Variants in AGBL4 observed in about 807,000 individuals in gnomAD.
AGBL4 encodes AGBL carboxypeptidase 4.
A neutral mutation model predicts 66.4 loss-of-function variants in AGBL4; 58 were observed. The ratio of observed to expected loss-of-function variants is 0.87; its 90% CI spans 0.71 to 1.09. The LOEUF is 1.09. Among genes scored for constraint, AGBL4 ranks in the 50% least tolerant of loss-of-function variants. The pLI, the probability that AGBL4 is intolerant of heterozygous loss-of-function variation, is 0.00. For missense variants in AGBL4, 579 were observed against 631.0 expected, an observed-to-expected ratio of 0.92 and a Z score of 0.88; for synonymous variants, 234 against 222.9, an observed-to-expected ratio of 1.05 and a Z score of -0.44.
At chr1:49,747,882 T>G (rs879703608) in intron 2 of AGBL4, among the ~76,000 whole-genome samples, 3 of 151,932 alleles carry the variant, frequency 2.0e-5, no homozygotes, top group Admixed American at 6.6e-5. Context: ...AAATGTTTAA[T>G]AACAAACTGT....
chr1:49,372,657 TTCTTTCTTTC>T (rs999957757), intron 3 of AGBL4, among the ~76,000 whole-genome samples: 1 of 134,090 alleles, frequency 7.5e-6, no homozygotes, highest in Non-Finnish European at 1.5e-5. Context: ...CTTTCTTTCT[TTCTTTCTTTC>T]TTTCTTTCTT....
Position 49,356,417 on chromosome 1 carries a change from T to G in AGBL4, c.283-110553A>C, listed in dbSNP as rs570803231. Among the ~76,000 whole-genome samples the G allele has an allele frequency of 1.7e-3, 254 of 152,316 alleles. 1 individual carries two copies. Among genetic ancestry groups the G allele is most frequent in the African/African-American group, 5.9e-3 (247 of 41,580 alleles). On this transcript the variant is annotated intron_variant, in intron 3 of 13. Transcript: ENST00000371839. Reference sequence around the variant, plus strand: ...AGATGCCCTGAAAACAAGTGACTGATTAGCTATGCTGATTTGTAGATGTGT... The same window carrying G: ...AGATGCCCTGAAAACAAGTGACTGAGTAGCTATGCTGATTTGTAGATGTGT...
intron 3 of AGBL4, among the ~76,000 whole-genome samples, chr1:49,564,213 C>T (rs920506349): frequency 6.6e-6 from 1 of 151,966 alleles, no homozygotes; most frequent in Non-Finnish European, 1.5e-5. Context: ...CTTTATTAGT[C>T]TTGCTAGCAG....
chr1:48,841,688 T>C (rs764413328), intron 6 of AGBL4, among the ~76,000 whole-genome samples: 21 of 152,066 alleles, frequency 1.4e-4, no homozygotes, highest in Non-Finnish European at 2.4e-4. Context: ...AACCATGAGA[T>C]TTGAACTACT....
At chr1:49,248,050 C>T (rs1185572844) in intron 3 of AGBL4, among the ~76,000 whole-genome samples, 1 of 152,044 alleles carries the variant, frequency 6.6e-6, no homozygotes, top group Non-Finnish European at 1.5e-5. Context: ...TTATGTTTTC[C>T]AGCCATTTAG....
chr1:49,903,343 G>GC (rs1320949567), intron 1 of AGBL4, among the ~76,000 whole-genome samples: 3 of 152,076 alleles, frequency 2.0e-5, no homozygotes, highest in African/African-American at 7.2e-5. Context: ...AGACACCAGA[G>GC]CCCACTTGAG....
chr1:49,855,484 G>A (rs537793358), intron 1 of AGBL4, among the ~76,000 whole-genome samples: 3 of 152,086 alleles, frequency 2.0e-5, no homozygotes, highest in Non-Finnish European at 2.9e-5. Flanking sequence ...CAGTTTCATG[G>A]ACAGATCATA....
intron 4 of AGBL4, among the ~76,000 whole-genome samples, chr1:49,110,555 A>G (rs957098960): frequency 2.6e-5 from 4 of 152,170 alleles, no homozygotes; most frequent in Non-Finnish European, 5.9e-5. Context: ...TAATCCTGTT[A>G]GCATGGATAA....
chr1:49,898,262 C>T (rs1186542280), intron 1 of AGBL4, among the ~76,000 whole-genome samples: 7 of 151,804 alleles, frequency 4.6e-5, no homozygotes, highest in Admixed American at 4.6e-4. Context: ...CAAAACTCTA[C>T]AGGGGGAAAA....
chr1:48,956,712 G>A (rs891764445), intron 5 of AGBL4, among the ~76,000 whole-genome samples: 3 of 152,126 alleles, frequency 2.0e-5, no homozygotes, highest in Admixed American at 6.6e-5. Flanking sequence ...ATTAGGGGCC[G>A]CAGCCATAGA....
At chr1:48,539,840 A>G in intron 11 of AGBL4, 102 bp from the exon 12 acceptor site, 1 of 744,316 alleles carries the variant, frequency 1.3e-6, no homozygotes, top group Non-Finnish European at 2.0e-6. Flanking sequence ...ACAGTTACAC[A>G]CTCATTGTTC....
At chr1:49,237,271 TA>T (rs1407839364) in intron 4 of AGBL4, among the ~76,000 whole-genome samples, 72 of 136,800 alleles carry the variant, frequency 5.3e-4, no homozygotes, top group East Asian at 3.6e-3. Context: ...TAAAAAAAAC[TA>T]AAAAAAAAAA....
At chr1:49,333,191 T>C (rs1463820245) in intron 3 of AGBL4, among the ~76,000 whole-genome samples, 1 of 152,014 alleles carries the variant, frequency 6.6e-6, no homozygotes, top group African/African-American at 2.4e-5. Flanking sequence ...ATAATAATAA[T>C]AATAAAGGCT....
chr1:49,781,424 GA>G (rs1233968747), intron 2 of AGBL4, among the ~76,000 whole-genome samples: 1 of 152,016 alleles, frequency 6.6e-6, no homozygotes, highest in African/African-American at 2.4e-5. Context: ...TAGAGATAAA[GA>G]GGGAAAATAT....
rs575081471 is a variant in AGBL4 at position 49,918,569 on chromosome 1, G to A, written c.35-67051C>T. Among the ~76,000 whole-genome samples, 50 of 152,140 alleles carry A rather than the reference G, an allele frequency of 3.3e-4. 1 individual carries two copies. The South Asian group carries it at 9.3e-3, about 28-fold the overall frequency. ...TGAATCCCTGAATAGACCAATAACAGCCTCTGAAATTGAGACAATAATTAA... is the reference window on the plus strand; with the variant it reads ...TGAATCCCTGAATAGACCAATAACAACCTCTGAAATTGAGACAATAATTAA... On this transcript the variant is annotated intron_variant, in intron 1 of 13. Transcript: ENST00000371839.
chr1:49,939,623 A>G (rs1044358837), intron 1 of AGBL4, among the ~76,000 whole-genome samples: 1 of 152,234 alleles, frequency 6.6e-6, no homozygotes, highest in Non-Finnish European at 1.5e-5. Flanking sequence ...TATTTAATAA[A>G]CGGTGCTTGG....
intron 2 of AGBL4, among the ~76,000 whole-genome samples, chr1:49,777,619 T>G (rs1392602773): frequency 2.6e-5 from 4 of 152,130 alleles, no homozygotes; most frequent in African/African-American, 9.7e-5. Context: ...CATCTTGAAG[T>G]CTTCTGTACC....
At chr1:49,998,441 T>C (rs1324973267) in intron 1 of AGBL4, among the ~76,000 whole-genome samples, 3 of 152,044 alleles carry the variant, frequency 2.0e-5, no homozygotes, top group Non-Finnish European at 4.4e-5. Context: ...GAAATGGTAA[T>C]TTTAAAATTG....
intron 2 of AGBL4, among the ~76,000 whole-genome samples, chr1:49,698,915 A>G (rs150588637): frequency 6.3e-4 from 96 of 152,164 alleles, no homozygotes; most frequent in African/African-American, 2.2e-3. Flanking sequence ...ATATGTGTCT[A>G]CAAATTTGTA....
Sources: gnomAD v4.1 joint callset for allele counts (sites outside exome capture counted in the v4.1 genomes callset) on GRCh38, gnomAD v4.1.1 for gene constraint, MANE v1.5 for transcripts, NCBI Gene and HGNC (gene_info 2026-07-23, HGNC 2026-07-21) for gene names.